The following SANBR variants were observed in gnomAD, a reference collection of about 807,000 sequenced individuals.
SANBR encodes SANT and BTB domain regulator of class switch recombination.
SANBR carries 77 observed loss-of-function variants against 101.8 expected under a neutral mutation model. That is an observed-to-expected ratio of 0.76 (90% CI 0.63 to 0.91). SANBR has a LOEUF of 0.91. Among genes scored for constraint, SANBR ranks in the 40% least tolerant of loss-of-function variants. The probability of loss-of-function intolerance (pLI) is 0.00; values close to 1 mark genes in which losing one functional copy is unlikely to be tolerated. For synonymous variants in SANBR, 279 were observed against 274.7 expected (o/e 1.02, Z -0.15); for missense variants, 875 against 853.0 (o/e 1.03, Z -0.32).
At chr2:61,110,897 C>G (rs1305826219) in intron 16 of SANBR, among the ~76,000 whole-genome samples, 1 of 151,732 alleles carries the variant, frequency 6.6e-6, no homozygotes, top group Admixed American at 6.6e-5. Context: ...CAAAATTGAT[C>G]AGTGTCATAC....
intron 6 of SANBR, among the ~76,000 whole-genome samples, chr2:61,078,784 G>C (rs1488193436): frequency 1.3e-5 from 2 of 152,066 alleles, no homozygotes; most frequent in African/African-American, 4.8e-5. Flanking sequence ...CACACTGGTA[G>C]TCCCAGCACT....
intron 13 of SANBR, among the ~76,000 whole-genome samples, chr2:61,104,622 A>G (rs1313836115): frequency 1.3e-5 from 2 of 152,208 alleles, no homozygotes; most frequent in Admixed American, 6.5e-5. Context: ...GTATCAATCA[A>G]TGCATGATTG....
intron 20 of SANBR, among the ~76,000 whole-genome samples, chr2:61,129,438 C>A (rs1202455502): frequency 7.5e-6 from 1 of 133,438 alleles, no homozygotes; most frequent in Non-Finnish European, 1.6e-5. Flanking sequence ...CAGCGAAACT[C>A]CATCTCAAAA....
intron 11 of SANBR, among the ~76,000 whole-genome samples, chr2:61,096,785 C>G (rs1156995607): frequency 6.6e-6 from 1 of 152,086 alleles, no homozygotes; most frequent in Non-Finnish European, 1.5e-5. Context: ...AAGCTTTTAT[C>G]AAAGTTTTCA....
At chr2:61,082,042 TAAATG>T (rs1682163165) in intron 7 of SANBR, among the ~76,000 whole-genome samples, 1 of 152,164 alleles carries the variant, frequency 6.6e-6, no homozygotes, top group African/African-American at 2.4e-5. Context: ...TTTTTAAAAT[TAAATG>T]GAGATGGGGT....
chr2:61,071,737 C>T lies in SANBR; in HGVS notation c.282C>T (p.Asp94=). 1 of 1,604,772 alleles carries T rather than the reference C, an allele frequency of 6.2e-7. No individual in the cohort carries two copies. Among genetic ancestry groups the T allele is most frequent in the Non-Finnish European group, 8.5e-7 (1 of 1,177,396 alleles). The change falls in exon 4 of 22, where the codon GAC becomes GAT. Residue 94 remains aspartate, a synonymous_variant. Coordinates refer to ENST00000402291, the MANE Select transcript of SANBR (RefSeq NM_001129993.3). ...CATATATCAAATCCTCACTTCTTGACATACATGGAGAATTTCAGGAGACTC... is the reference window on the plus strand; with the variant it reads ...CATATATCAAATCCTCACTTCTTGATATACATGGAGAATTTCAGGAGACTC... ...LATYIKSSLL[D]IHGEFQETPV...
chr2:61,129,255 C>G (rs1684608361), downstream of SANBR, among the ~76,000 whole-genome samples: 2 of 151,892 alleles, frequency 1.3e-5, no homozygotes, highest in Non-Finnish European at 2.9e-5. Context: ...ACCAGCCTGG[C>G]CAACGTGGTG....
In SANBR at chr2:61,103,123, CA is replaced by C. The variant is rs1683371523; in HGVS notation, c.1366-729del. ...AAATAACATCATTGAATCATAAAAA[CA>C]TAATTTTTCTTTCTTTTTTTTTTTT... On this transcript the variant is annotated intron_variant, in intron 12 of 21. Transcript: ENST00000402291. Among the ~76,000 whole-genome samples, 6 of 149,894 alleles carry C rather than the reference CA, an allele frequency of 4.0e-5. 1 individual carries two copies. Among genetic ancestry groups the C allele is most frequent in the Admixed American group, 4.0e-4 (6 of 15,060 alleles).
At chr2:61,113,639 A>G (rs1683939480) in intron 16 of SANBR, among the ~76,000 whole-genome samples, 1 of 152,224 alleles carries the variant, frequency 6.6e-6, no homozygotes, top group Non-Finnish European at 1.5e-5. Flanking sequence ...TGGTCAAAAT[A>G]CAATTGATGT....
intron 6 of SANBR, among the ~76,000 whole-genome samples, chr2:61,077,472 C>T (rs1681853990): frequency 6.6e-6 from 1 of 152,060 alleles, no homozygotes; most frequent in Non-Finnish European, 1.5e-5. Context: ...TTGACTTTCT[C>T]ACTGTGTTGC....
chr2:61,136,416 C>G (rs978236961), intron 21 of SANBR, among the ~76,000 whole-genome samples: 1 of 151,062 alleles, frequency 6.6e-6, no homozygotes, highest in Middle Eastern at 3.3e-3. Context: ...GGGTGGACCA[C>G]GAGGTCAGGA....
At chr2:61,102,506 T>G (rs1683337199) in intron 12 of SANBR, among the ~76,000 whole-genome samples, 2 of 151,712 alleles carry the variant, frequency 1.3e-5, no homozygotes, top group African/African-American at 4.8e-5. Context: ...CCAGAATGAA[T>G]GCCAATACAT....
At chr2:61,120,279 G>A (rs183110867) in intron 20 of SANBR, among the ~76,000 whole-genome samples, 131 of 152,196 alleles carry the variant, frequency 8.6e-4, no homozygotes, top group Non-Finnish European at 1.6e-3. Context: ...AAGGCGGGCG[G>A]ATCACAAAGT....
chr2:61,124,096 A>G lies in SANBR; in HGVS notation c.*1934A>G, dbSNP rs1684441525. 1.1e-6 allele frequency: 1 copy of G among 943,304 alleles called. No homozygotes were observed. The highest frequency in any genetic ancestry group is 6.2e-5 in the Admixed American group (1 of 16,208). The allele number at this position is 943,304 out of a possible 1,614,324, so 58.4% of individuals were successfully genotyped here. A position where few individuals can be genotyped will look rare whatever the true frequency, so the allele number is the denominator to read the frequency against. The stretch of plus-strand genomic sequence containing the variant: ...GGTGACAGAGCAAGACTCCATCTCA[A>G]TTTAAAACAAAAAAAGAATGTGTTT... On this transcript the variant is annotated 3_prime_UTR_variant, in exon 22 of 22. Coordinates refer to ENST00000402291, the MANE Select transcript of SANBR (RefSeq NM_001129993.3).
intron 10 of SANBR, chr2:61,088,994 C>G: frequency 2.2e-6 from 2 of 903,780 alleles, no homozygotes; most frequent in East Asian, 2.4e-4. Flanking sequence ...ATGTTTTACA[C>G]ATTAAAATGA....
intron 3 of SANBR, 122 bp downstream of exon 3, chr2:61,070,622 T>A: frequency 1.5e-6 from 1 of 674,850 alleles, no homozygotes; most frequent in Middle Eastern, 2.5e-4. Context: ...GTATTAACAC[T>A]GAATAGACAT....
Position 61,122,524 on chromosome 2 carries a change from C to G in SANBR, c.*362C>G, listed in dbSNP as rs971522821. On this transcript the variant is annotated 3_prime_UTR_variant, in exon 22 of 22. Coordinates refer to ENST00000402291, the MANE Select transcript of SANBR (RefSeq NM_001129993.3). ...GACCTTAAAAGTTAGGGGAACACAA[C>G]TGGTAGTGTTACCATGCATGGCACT... is the stretch of plus-strand genomic sequence containing the variant. The G allele has an allele frequency of 3.0e-6, 3 of 1,012,368 alleles. No homozygotes were observed. The highest frequency in any genetic ancestry group is 2.4e-6 in the Non-Finnish European group (2 of 847,700). 62.7% of individuals were successfully genotyped at this position (1,012,368 alleles called of 1,614,324 possible).
intron 14 of SANBR, 119 bp downstream of exon 14, chr2:61,106,781 T>A (rs1683593789): frequency 3.4e-6 from 2 of 594,988 alleles, no homozygotes; most frequent in African/African-American, 2.0e-5. Context: ...CATAAGAAGG[T>A]ATTATGCCTA....
At chr2:61,128,934 T>G (rs1684597787), downstream of SANBR, among the ~76,000 whole-genome samples, 1 of 151,828 alleles carries the variant, frequency 6.6e-6, no homozygotes, top group Admixed American at 6.6e-5. Flanking sequence ...TGCACTCCAG[T>G]GTGGGAGACA....
Sources: allele counts gnomAD v4.1 joint callset (sites outside exome capture counted in the v4.1 genomes callset), GRCh38; gene constraint gnomAD v4.1.1; transcripts MANE v1.5; gene names NCBI Gene and HGNC (gene_info 2026-07-23, HGNC 2026-07-21).